DPP10: variants seen among roughly 807,000 people sequenced by gnomAD.
DPP10 encodes inactive dipeptidyl peptidase 10.
Under a neutral mutation model 120.9 loss-of-function variants are expected in DPP10, and 33 were observed. The observed-to-expected ratio is 0.27, with a 90% confidence interval of 0.21 to 0.37. DPP10 has a LOEUF of 0.37. Among genes scored for constraint, DPP10 ranks in the 10% least tolerant of loss-of-function variants. The pLI is 1.00. For synonymous variants in DPP10, 337 were observed against 326.1 expected (o/e 1.03, Z -0.36); for missense variants, 816 against 942.8 (o/e 0.87, Z 1.76).
At chr2:115,709,967 C>A (rs527663292) in intron 7 of DPP10, among the ~76,000 whole-genome samples, 7 of 151,954 alleles carry the variant, frequency 4.6e-5, no homozygotes, top group Non-Finnish European at 8.8e-5. Flanking sequence ...CAAGGATAAT[C>A]CCTCAAAAGT....
intron 1 of DPP10, among the ~76,000 whole-genome samples, chr2:114,488,724 A>G (rs1681727923): frequency 6.6e-6 from 1 of 152,218 alleles, no homozygotes; most frequent in Admixed American, 6.5e-5. Context: ...GGAAAACACC[A>G]GCCTCGTGGC....
At chr2:115,821,554 G>C (rs2150062494) in intron 21 of DPP10, among the ~76,000 whole-genome samples, 1 of 152,048 alleles carries the variant, frequency 6.6e-6, no homozygotes, top group African/African-American at 2.4e-5. Context: ...TTTTGTTGAA[G>C]ATTGTATTCA....
intron 1 of DPP10, among the ~76,000 whole-genome samples, chr2:114,709,487 C>T (rs899070791): frequency 3.9e-5 from 6 of 152,098 alleles, no homozygotes; most frequent in African/African-American, 1.4e-4. Context: ...GGTTGGACAC[C>T]AACATATCCT....
At chr2:115,476,449 A>G (rs1230930006) in intron 3 of DPP10, among the ~76,000 whole-genome samples, 1 of 152,162 alleles carries the variant, frequency 6.6e-6, no homozygotes, top group East Asian at 1.9e-4. Context: ...TTTTCTTTAC[A>G]AATCATCCAG....
intron 2 of DPP10, among the ~76,000 whole-genome samples, chr2:115,340,708 A>G (rs2063400706): frequency 6.6e-6 from 1 of 151,730 alleles, no homozygotes; most frequent in African/African-American, 2.4e-5. Context: ...TTAGGAACAA[A>G]CTAAATGTTT....
Position 115,822,588 on chromosome 2 carries a change from A to G in DPP10, c.1950+6859A>G, listed in dbSNP as rs192534837. Reference sequence around the variant, plus strand: ...CAATATTGAAGCTTTCATATTTTTAAAAGATAATTTTGTTTGGTGTTCTGT... The same window carrying G: ...CAATATTGAAGCTTTCATATTTTTAGAAGATAATTTTGTTTGGTGTTCTGT... On this transcript the variant is annotated intron_variant, in intron 21 of 25. Transcript: ENST00000410059. Among the ~76,000 whole-genome samples, 366 of 152,122 alleles carry G rather than the reference A, an allele frequency of 2.4e-3. 1 individual carries two copies. Among genetic ancestry groups the G allele is most frequent in the Non-Finnish European group, 2.5e-3 (170 of 67,864 alleles).
intron 13 of DPP10, among the ~76,000 whole-genome samples, chr2:115,774,964 T>G (rs1468699196): frequency 6.6e-6 from 1 of 152,114 alleles, no homozygotes; most frequent in Non-Finnish European, 1.5e-5. Flanking sequence ...CTGAAGACAA[T>G]GAAATTGAAT....
chr2:115,548,216 TA>T (rs1212027018), intron 5 of DPP10, among the ~76,000 whole-genome samples: 1 of 152,184 alleles, frequency 6.6e-6, no homozygotes, highest in Non-Finnish European at 1.5e-5. Flanking sequence ...TTTAGATATT[TA>T]AATCTTCTGG....
chr2:114,637,092 TG>T (rs1210192006), intron 1 of DPP10, among the ~76,000 whole-genome samples: 1 of 152,018 alleles, frequency 6.6e-6, no homozygotes, highest in Non-Finnish European at 1.5e-5. Context: ...TTGGCTAATT[TG>T]AACAAGATAT....
At chr2:114,784,977 C>T (rs1682645017) in intron 1 of DPP10, among the ~76,000 whole-genome samples, 1 of 152,148 alleles carries the variant, frequency 6.6e-6, no homozygotes, top group Non-Finnish European at 1.5e-5. Context: ...TCAAGTCTTC[C>T]CCATTCTGGG....
intron 1 of DPP10, among the ~76,000 whole-genome samples, chr2:114,773,971 A>G (rs1320347312): frequency 6.6e-6 from 1 of 151,982 alleles, no homozygotes; most frequent in African/African-American, 2.4e-5. Context: ...AACTTTATCA[A>G]ATATAAAAGT....
intron 5 of DPP10, among the ~76,000 whole-genome samples, chr2:115,528,691 A>G (rs780307310): frequency 3.3e-5 from 5 of 152,148 alleles, no homozygotes; most frequent in Non-Finnish European, 7.3e-5. Flanking sequence ...ATACAAAGGA[A>G]CAAGCTTTCA....
intron 1 of DPP10, among the ~76,000 whole-genome samples, chr2:114,683,910 G>T (rs1042179388): frequency 6.6e-6 from 1 of 151,830 alleles, no homozygotes; most frequent in African/African-American, 2.4e-5. Flanking sequence ...GTCCAAACTC[G>T]CTGTTTAAGT....
At chr2:115,409,237 T>A (rs1265266682) in intron 3 of DPP10, among the ~76,000 whole-genome samples, 1 of 152,140 alleles carries the variant, frequency 6.6e-6, no homozygotes, top group Admixed American at 6.5e-5. Flanking sequence ...ATGGATAAAT[T>A]TGTGAAAGAC....
chr2:115,831,254 C>CTTTCTTTCTTTA (rs763177916), intron 21 of DPP10, among the ~76,000 whole-genome samples: 2 of 152,002 alleles, frequency 1.3e-5, no homozygotes, highest in Non-Finnish European at 2.9e-5. Flanking sequence ...TTCTTTCTTT[C>CTTTCTTTCTTTA]TTTCTTTATT....
intron 1 of DPP10, among the ~76,000 whole-genome samples, chr2:115,152,333 C>A (rs993227014): frequency 6.6e-6 from 1 of 152,210 alleles, no homozygotes; most frequent in African/African-American, 2.4e-5. Flanking sequence ...GATTTGGCCT[C>A]TGGGCTACAA....
intron 1 of DPP10, among the ~76,000 whole-genome samples, chr2:114,518,905 T>C (rs563335822): frequency 6.6e-6 from 1 of 152,322 alleles, no homozygotes; most frequent in African/African-American, 2.4e-5. Context: ...AGTTTATTAC[T>C]CAGAGGCTGG....
chr2:115,351,709 G>A (rs186803492), intron 3 of DPP10, among the ~76,000 whole-genome samples: 20 of 152,066 alleles, frequency 1.3e-4, no homozygotes, highest in Admixed American at 1.3e-3. Context: ...CCTATCAAGA[G>A]TAGATAATTT....
At chr2:115,744,884 CTA>C (rs949632690) in intron 9 of DPP10, among the ~76,000 whole-genome samples, 2 of 149,770 alleles carry the variant, frequency 1.3e-5, no homozygotes, top group Non-Finnish European at 3.0e-5. Context: ...TTTTTCTTTT[CTA>C]TATATCTCAT....
Sources: gnomAD v4.1 joint callset for allele counts (sites outside exome capture counted in the v4.1 genomes callset) on GRCh38, gnomAD v4.1.1 for gene constraint, MANE v1.5 for transcripts, NCBI Gene and HGNC (gene_info 2026-07-23, HGNC 2026-07-21) for gene names.